The following COL24A1 variants were observed in gnomAD, a reference collection of about 807,000 sequenced individuals.
COL24A1 encodes the protein collagen alpha-1(XXIV) chain.
In COL24A1, 224 loss-of-function variants were observed where a neutral mutation model predicts 253.9. That is an observed-to-expected ratio of 0.88 (90% CI 0.79 to 0.99). The LOEUF (loss-of-function observed/expected upper bound fraction) is 0.99. Ranked by LOEUF, COL24A1 falls within the 50% of genes least tolerant of loss-of-function variation. The pLI is 0.00. For synonymous variants in COL24A1, 685 were observed against 673.7 expected (o/e 1.02, Z -0.26); for missense variants, 2,131 against 2,068.5 (o/e 1.03, Z -0.59).
chr1:86,045,430 G>T (rs1699824064), intron 12 of COL24A1, among the ~76,000 whole-genome samples: 1 of 152,058 alleles, frequency 6.6e-6, no homozygotes, highest in South Asian at 2.1e-4. Flanking sequence ...TGAAGATACA[G>T]AATGGAGTAA....
intron 37 of COL24A1, among the ~76,000 whole-genome samples, chr1:85,859,417 C>T (rs60040360): frequency 0.023 from 3,466 of 152,174 alleles, 134 homozygotes; most frequent in African/African-American, 0.078. Flanking sequence ...TTCTAGGGAA[C>T]AGAACATATG....
intron 24 of COL24A1, among the ~76,000 whole-genome samples, chr1:85,924,463 T>G (rs568139379): frequency 6.6e-6 from 1 of 152,310 alleles, no homozygotes; most frequent in African/African-American, 2.4e-5. Flanking sequence ...ATCAAAAAGC[T>G]TATCCACCAT....
rs528251983 is a variant in COL24A1 at position 85,938,189 on chromosome 1, T to A, written c.2562+23060A>T. ...GGTACTGGGTCTCTAATAGGAAATATGGATGGGTCTGAAACCAAAGTGTGG... is the reference window on the plus strand; with the variant it reads ...GGTACTGGGTCTCTAATAGGAAATAAGGATGGGTCTGAAACCAAAGTGTGG... On this transcript the variant is annotated intron_variant, in intron 24 of 59. Transcript: ENST00000370571. Among the ~76,000 whole-genome samples the A allele has an allele frequency of 1.2e-3, 175 of 147,342 alleles. 14 individuals are homozygous for A. The highest frequency in any genetic ancestry group is 2.1e-3 in the Non-Finnish European group (140 of 66,538).
chr1:86,022,281 A>C lies in COL24A1; in HGVS notation c.2215T>G (p.Leu739Val). Residue 739 changes from leucine (L) to valine (V), a missense_variant, in exon 18 of 60, where the codon TTA (leucine) becomes GTA (valine). Physicochemically the swap from Leu to Val is conservative, Grantham distance 32 (BLOSUM62 1). Transcript: ENST00000370571. ...CCTCTCATCCCTGGTGGTCCTGGTA[A>C]ACCAACAGCACCCTAAGAGAAGAGA... ...GYPGDKGAVG[L>V]PGPPGMRGKS... 6.2e-7 allele frequency: 1 copy of C among 1,605,158 alleles called. No homozygotes were observed. Among genetic ancestry groups the C allele is most frequent in the Non-Finnish European group, 8.5e-7 (1 of 1,177,646 alleles).
At chr1:85,890,647 T>C (rs1683023445) in intron 31 of COL24A1, among the ~76,000 whole-genome samples, 1 of 152,132 alleles carries the variant, frequency 6.6e-6, no homozygotes, top group Non-Finnish European at 1.5e-5. Context: ...TTTTATTTAA[T>C]CCTCACTCCT....
In COL24A1 at chr1:85,936,505, CA is replaced by C. The variant is rs754113123; in HGVS notation, c.2562+24743del. Among the ~76,000 whole-genome samples the C allele has an allele frequency of 4.1e-5, 6 of 147,032 alleles. 1 individual carries two copies. Among genetic ancestry groups the C allele is most frequent in the Non-Finnish European group, 6.0e-5 (4 of 66,562 alleles). On this transcript the variant is annotated intron_variant, in intron 24 of 59. Transcript: ENST00000370571. The stretch of plus-strand genomic sequence containing the variant: ...GGGGGCATATATGTGGATCTGATTG[CA>C]CAGGTATTTGATCAAGAGAACCATA...
At chr1:85,980,980 A>G (rs1442204837) in intron 20 of COL24A1, among the ~76,000 whole-genome samples, 3 of 152,152 alleles carry the variant, frequency 2.0e-5, no homozygotes, top group Non-Finnish European at 4.4e-5. Flanking sequence ...ACTACAAAAC[A>G]CTGCTGAAAG....
intron 31 of COL24A1, among the ~76,000 whole-genome samples, chr1:85,895,084 C>T (rs1267448559): frequency 6.6e-6 from 1 of 151,942 alleles, no homozygotes; most frequent in Non-Finnish European, 1.5e-5. Context: ...GTAAAAATAT[C>T]CATATACTTA....
chr1:85,772,235 T>C (rs1668056507), intron 53 of COL24A1, among the ~76,000 whole-genome samples: 1 of 151,834 alleles, frequency 6.6e-6, no homozygotes, highest in Non-Finnish European at 1.5e-5. Flanking sequence ...ATCAGAGAAA[T>C]GCAAATCAAA....
chr1:86,104,706 CTTGACTT>C (rs1222767728), intron 5 of COL24A1, among the ~76,000 whole-genome samples: 1 of 152,170 alleles, frequency 6.6e-6, no homozygotes, highest in Non-Finnish European at 1.5e-5. Context: ...GATATTGGGC[CTTGACTT>C]TGTTCTCTGG....
chr1:86,021,661 A>G (rs901383863), intron 18 of COL24A1, among the ~76,000 whole-genome samples: 2 of 152,090 alleles, frequency 1.3e-5, no homozygotes, highest in Non-Finnish European at 2.9e-5. Flanking sequence ...GATTTTTAAT[A>G]TTTAGAAATA....
At chr1:85,969,688 A>C (rs918471965) in intron 22 of COL24A1, among the ~76,000 whole-genome samples, 1 of 150,264 alleles carries the variant, frequency 6.7e-6, no homozygotes, top group Non-Finnish European at 1.5e-5. Context: ...GATGTATTTC[A>C]TGTGAGTCTA....
intron 24 of COL24A1, among the ~76,000 whole-genome samples, chr1:85,941,510 G>A (rs534114138): frequency 6.6e-6 from 1 of 152,074 alleles, no homozygotes; most frequent in African/African-American, 2.4e-5. Context: ...AGATAATTCT[G>A]TTCATATTTT....
chr1:85,857,595 A>C (rs961178667), intron 37 of COL24A1, among the ~76,000 whole-genome samples: 2 of 152,150 alleles, frequency 1.3e-5, no homozygotes, highest in Non-Finnish European at 2.9e-5. Flanking sequence ...TAACACCTGC[A>C]TCAATATCCA....
intron 24 of COL24A1, among the ~76,000 whole-genome samples, chr1:85,951,107 T>C (rs1689866228): frequency 6.6e-6 from 1 of 152,248 alleles, no homozygotes; most frequent in South Asian, 2.1e-4. Flanking sequence ...CCTCTGAATA[T>C]ACAGACAGTA....
At chr1:86,074,646 G>T (rs1338818723) in intron 7 of COL24A1, among the ~76,000 whole-genome samples, 2 of 152,134 alleles carry the variant, frequency 1.3e-5, no homozygotes, top group Admixed American at 1.3e-4. Context: ...CAAATCAACA[G>T]AATCTACATT....
chr1:86,121,092 G>T (rs1647268312), intron 3 of COL24A1, among the ~76,000 whole-genome samples: 1 of 152,160 alleles, frequency 6.6e-6, no homozygotes, highest in African/African-American at 2.4e-5. Flanking sequence ...ATTGAAGAAT[G>T]AGAACACTTG....
At position 85,896,551 on chromosome 1, in the gene COL24A1, A is replaced by C. The variant is rs907652320; in HGVS notation, c.2779-142T>G. ...CACTCTGTCGCCCAGGCTGGAGTGC[A>C]GTGGCGCGTCTCGGCTCACTGCAAG... On this transcript the variant is annotated intron_variant, in intron 28 of 59. Transcript: ENST00000370571. 3.9e-5 allele frequency: 26 copies of C among 661,528 alleles called. No individual in the cohort carries two copies. The African/African-American group carries it at 4.6e-4, about 12-fold the overall frequency. The allele number at this position is 661,528 out of a possible 1,614,324, so 41.0% of individuals were successfully genotyped here. A position where few individuals can be genotyped will look rare whatever the true frequency, so the allele number is the denominator to read the frequency against.
chr1:85,818,100 A>G lies in COL24A1; in HGVS notation c.3790-13T>C. ...TCCCCTTATTACCCTAAAGATGGAA[A>G]GCACAGTTGTCAATTGACTGTAATA... On this transcript the variant is annotated splice_polypyrimidine_tract_variant and intron_variant, in intron 45 of 59. Transcript: ENST00000370571. 6.2e-7 allele frequency: 1 copy of G among 1,610,360 alleles called. No individual in the cohort carries two copies. The highest frequency in any genetic ancestry group is 8.5e-7 in the Non-Finnish European group (1 of 1,176,680).
Sources: allele counts gnomAD v4.1 joint callset (sites outside exome capture counted in the v4.1 genomes callset), GRCh38; gene constraint gnomAD v4.1.1; transcripts MANE v1.5; gene names NCBI Gene and HGNC (gene_info 2026-07-23, HGNC 2026-07-21).